Variants in NUP188 observed in about 807,000 individuals in gnomAD.
NUP188 encodes the protein nucleoporin 188, also known as nucleoporin NUP188.
A neutral mutation model predicts 223.0 loss-of-function variants in NUP188; 97 were observed. That is an observed-to-expected ratio of 0.43 (90% CI 0.37 to 0.51). The LOEUF (loss-of-function observed/expected upper bound fraction) is 0.51. Ranked by LOEUF, NUP188 falls within the 20% of genes least tolerant of loss-of-function variation. NUP188 has a pLI of 0.00. For synonymous variants in NUP188, 869 were observed against 828.0 expected, an observed-to-expected ratio of 1.05 and a Z score of -0.85; for missense variants, 1,947 against 2,175.6, an observed-to-expected ratio of 0.89 and a Z score of 2.09.
At chr9:128,990,623 G>T (rs1360397516) in intron 25 of NUP188, among the ~76,000 whole-genome samples, 3 of 152,250 alleles carry the variant, frequency 2.0e-5, no homozygotes, top group Non-Finnish European at 4.4e-5. Context: ...CCAGCACTTT[G>T]GGAGGCCGAG....
At chr9:128,977,193 C>T (rs1004126635) in intron 12 of NUP188, among the ~76,000 whole-genome samples, 3 of 150,080 alleles carry the variant, frequency 2.0e-5, no homozygotes, top group African/African-American at 7.4e-5. Flanking sequence ...GATCTCGGCT[C>T]ACTGCAAGCT....
In NUP188 at chr9:128,986,662, A is replaced by T; in HGVS notation, c.2181A>T (p.Gly727=). 6.2e-7 allele frequency: 1 copy of T among 1,614,164 alleles called. No homozygotes were observed. Among genetic ancestry groups the T allele is most frequent in the Non-Finnish European group, 8.5e-7 (1 of 1,180,032 alleles). ...ATAAGTGGCGCTACAACTCTCATGG[A>T]GTGAGGGAACAGATTGGTAAGGACA... ...SYHKWRYNSH[G]VREQIGCLIL... is the part of the protein sequence containing the mutation. Residue 727 remains glycine, a synonymous_variant, in exon 21 of 44, where the codon GGA becomes GGT. Transcript: ENST00000372577.
intron 38 of NUP188, chr9:129,004,702 C>T (rs1001770001): frequency 6.2e-6 from 1 of 161,172 alleles, no homozygotes; most frequent in African/African-American, 2.4e-5. Flanking sequence ...GACAGGGTTT[C>T]ACCGTGTTAG....
intron 29 of NUP188, 46 bp from the exon 30 acceptor site, chr9:128,995,273 C>A: frequency 6.7e-7 from 1 of 1,482,554 alleles, no homozygotes; most frequent in Non-Finnish European, 9.4e-7. Flanking sequence ...ATTATATTCC[C>A]ATCTGCTTTC....
In NUP188 at chr9:128,984,928, G is replaced by A. The variant is rs1163580020; in HGVS notation, c.1990G>A (p.Gly664Arg). The A allele has an allele frequency of 8.1e-6, 13 of 1,613,428 alleles. No homozygotes were observed. The highest frequency in any genetic ancestry group is 1.6e-4 in the Middle Eastern group (1 of 6,082). Residue 664 changes from glycine to arginine, a missense_variant, in exon 20 of 44, where the codon GGA becomes AGA. Gly to Arg is a moderately radical substitution (Grantham distance 125). Transcript: ENST00000372577. ...SAEGMNAGGY[G>R]NLLMNSEQPQ... ...GGAAGGGATGAATGCTGGAGGGTAC[G>A]GAAACCTCTTGATGAACAGTGAACA...
At chr9:128,985,441 C>T (rs1413952662) in intron 20 of NUP188, among the ~76,000 whole-genome samples, 1 of 152,120 alleles carries the variant, frequency 6.6e-6, no homozygotes, top group Non-Finnish European at 1.5e-5. Context: ...CAGTCTCCTC[C>T]CTATTTAAGT....
chr9:129,000,252 C>G (rs1842617364), intron 34 of NUP188, among the ~76,000 whole-genome samples: 1 of 151,548 alleles, frequency 6.6e-6, no homozygotes, highest in Non-Finnish European at 1.5e-5. Context: ...CAAGAAAGAT[C>G]ACTCTGGATG....
At position 128,992,157 on chromosome 9, in the gene NUP188, A is replaced by G. The variant is rs141801301; in HGVS notation, c.2641-1040A>G. Among the ~76,000 whole-genome samples, 736 of 151,656 alleles carry G rather than the reference A, an allele frequency of 4.9e-3. 1 individual carries two copies. The highest frequency in any genetic ancestry group is 0.02 in the Middle Eastern group (6 of 294). ...CGTGATCTGCCCGCTTGGCCTCCCA[A>G]AGTGCTGGGATTACAGGCATGAGCC... is the stretch of plus-strand genomic sequence containing the variant. On this transcript the variant is annotated intron_variant, in intron 25 of 43. Coordinates refer to ENST00000372577, the MANE Select transcript of NUP188 (RefSeq NM_015354.3).
chr9:128,998,388 G>C lies in NUP188; in HGVS notation c.3430-150G>C, dbSNP rs534614033. 59 of 945,734 alleles carry C rather than the reference G, an allele frequency of 6.2e-5. No individual in the cohort carries two copies. The African/African-American group carries it at 8.0e-4, about 13-fold the overall frequency. 58.6% of individuals were successfully genotyped at this position (945,734 alleles called of 1,614,324 possible). A position where few individuals can be genotyped will look rare whatever the true frequency, so the allele number is the denominator to read the frequency against. ...GACTGTAGTGGGTCAGCAGAGCTCT[G>C]CTGCTGCCATGCCAACCCTGGCTTC... is the stretch of plus-strand genomic sequence containing the variant. On this transcript the variant is annotated intron_variant, in intron 31 of 43. Coordinates refer to ENST00000372577, the MANE Select transcript of NUP188 (RefSeq NM_015354.3).
chr9:129,002,363 G>A (rs1842686553), intron 36 of NUP188, among the ~76,000 whole-genome samples: 1 of 152,372 alleles, frequency 6.6e-6, no homozygotes, highest in African/African-American at 2.4e-5. Flanking sequence ...GAGAAGGGAA[G>A]TGGGTGGTCT....
intron 2 of NUP188, among the ~76,000 whole-genome samples, chr9:128,949,506 A>G (rs1047640718): frequency 2.7e-5 from 4 of 150,556 alleles, no homozygotes; most frequent in Non-Finnish European, 4.4e-5. Flanking sequence ...CTAATTTTGT[A>G]TTTTTAGTAG....
intron 8 of NUP188, among the ~76,000 whole-genome samples, 165 bp downstream of exon 8, chr9:128,959,299 G>A (rs767303965): frequency 3.3e-5 from 5 of 151,808 alleles, no homozygotes; most frequent in Admixed American, 6.6e-5. Context: ...CCGTCGTCAC[G>A]CCCAGCCAAT....
chr9:128,976,886 G>A (rs960150837), intron 12 of NUP188, among the ~76,000 whole-genome samples: 2 of 151,956 alleles, frequency 1.3e-5, no homozygotes, highest in African/African-American at 4.8e-5. Flanking sequence ...GGACCAGCCT[G>A]GGCAACATGA....
At chr9:129,005,604 G>A in intron 40 of NUP188, 41 bp from the exon 41 acceptor site, 2 of 1,611,302 alleles carry the variant, frequency 1.2e-6, no homozygotes, top group East Asian at 2.2e-5. Flanking sequence ...GCTACCTGGG[G>A]CCTTAATTGG....
In NUP188 at chr9:128,968,669, A is replaced by T. The variant is rs747280522; in HGVS notation, c.749A>T (p.Asn250Ile). 2.5e-6 allele frequency: 4 copies of T among 1,614,080 alleles called. No homozygotes were observed. The highest frequency in any genetic ancestry group is 3.4e-6 in the Non-Finnish European group (4 of 1,180,034). The change falls in exon 9 of 44, where the codon AAT (asparagine) becomes ATT (isoleucine). Residue 250 changes from asparagine (N) to isoleucine (I), a missense_variant. This residue lies in a region of NUP188 where 817 missense variants were observed against 865.8 expected (regional missense o/e 0.94). Transcript: ENST00000372577. ...KEQGFGSRQT[N>I]RHLVDETMDP... is the part of the protein sequence containing the mutation. ...CAAGGATTTGGTAGTAGGCAGACCAATAGGCACCTGGTGGATGAGACTATG... is the reference window on the plus strand; with the variant it reads ...CAAGGATTTGGTAGTAGGCAGACCATTAGGCACCTGGTGGATGAGACTATG...
chr9:128,969,415 C>T lies in NUP188; in HGVS notation c.813C>T (p.Leu271=), dbSNP rs745946236. 4 of 1,610,590 alleles carry T rather than the reference C, an allele frequency of 2.5e-6. No individual in the cohort carries two copies. The highest frequency in any genetic ancestry group is 3.4e-6 in the Non-Finnish European group (4 of 1,177,738). ...FVDRIGYFSA[L]ILVEGMDIES... Reference sequence around the variant, plus strand: ...TTCTTTCTAGCTACTTCAGTGCCCTCATCCTGGTGGAGGGCATGGATATCG... The same window carrying T: ...TTCTTTCTAGCTACTTCAGTGCCCTTATCCTGGTGGAGGGCATGGATATCG... The change falls in exon 10 of 44, where the codon CTC becomes CTT. Residue 271 remains leucine, a synonymous_variant. Coordinates refer to ENST00000372577, the MANE Select transcript of NUP188 (RefSeq NM_015354.3).
chr9:129,006,913 C>G lies in NUP188; in HGVS notation c.*235C>G, dbSNP rs150131414. 258 of 419,588 alleles carry G rather than the reference C, an allele frequency of 6.1e-4. No homozygotes were observed. The highest frequency in any genetic ancestry group is 5.1e-3 in the African/African-American group (247 of 48,906). The allele number at this position is 419,588 out of a possible 1,614,324, so 26.0% of individuals were successfully genotyped here. On this transcript the variant is annotated 3_prime_UTR_variant, in exon 44 of 44. Transcript: ENST00000372577. The stretch of plus-strand genomic sequence containing the variant: ...TGTGCTCAGGTCCTCACGCTGCAGA[C>G]GCCCCCTAGAGGAACTTTCCTTCCT...
Position 129,001,879 on chromosome 9 carries a change from C to A in NUP188, c.4045-5C>A. ...ATCTCATTTCCTGTCTTTCCCTCCT[C>A]CCAGGGAGCCACAGCAGTGGCTGGA... On this transcript the variant is annotated splice_polypyrimidine_tract_variant and splice_region_variant and intron_variant, in intron 35 of 43. Coordinates refer to ENST00000372577, the MANE Select transcript of NUP188 (RefSeq NM_015354.3). 6.2e-7 allele frequency: 1 copy of A among 1,613,824 alleles called. No homozygotes were observed. The highest frequency in any genetic ancestry group is 1.1e-5 in the South Asian group (1 of 91,074).
intron 32 of NUP188, 83 bp downstream of exon 32, chr9:128,998,706 T>C: frequency 1.8e-6 from 2 of 1,129,516 alleles, no homozygotes; most frequent in Non-Finnish European, 2.7e-6. Context: ...GGAGAAATAG[T>C]GGGTGGAAGC....
Sources: allele counts gnomAD v4.1 joint callset (sites outside exome capture counted in the v4.1 genomes callset), GRCh38; gene constraint gnomAD v4.1.1; regional missense constraint gnomAD v4.1.1; transcripts MANE v1.5; gene names NCBI Gene and HGNC (gene_info 2026-07-23, HGNC 2026-07-21).